The following DOCK1 variants were observed in gnomAD, a reference collection of about 807,000 sequenced individuals.
DOCK1 encodes dedicator of cytokinesis 1, also known as dedicator of cytokinesis protein 1.
In DOCK1, 138 loss-of-function variants were observed where a neutral mutation model predicts 262.7. That is an observed-to-expected ratio of 0.53 (90% CI 0.46 to 0.61). DOCK1 has a LOEUF of 0.61. Ranked by LOEUF, DOCK1 falls within the 20% of genes least tolerant of loss-of-function variation. DOCK1 has a pLI of 0.00. For synonymous variants in DOCK1, 866 were observed against 867.4 expected (o/e 1.00, Z 0.03); for missense variants, 1,908 against 2,370.7 (o/e 0.80, Z 4.05).
chr10:126,969,978 G>A (rs910084260), intron 1 of DOCK1, among the ~76,000 whole-genome samples: 9 of 152,102 alleles, frequency 5.9e-5, no homozygotes, highest in Non-Finnish European at 1.3e-4. Context: ...CTGTTGGGTA[G>A]GAGGAACATT....
intron 23 of DOCK1, among the ~76,000 whole-genome samples, chr10:127,077,889 C>T (rs1694245664): frequency 6.6e-6 from 1 of 151,714 alleles, no homozygotes; most frequent in Admixed American, 6.6e-5. Context: ...GATGGGGGAG[C>T]ATTCCATGGA....
At chr10:127,025,980 C>T (rs528980875) in intron 15 of DOCK1, 4 of 225,558 alleles carry the variant, frequency 1.8e-5, no homozygotes, top group Admixed American at 1.2e-4. Flanking sequence ...CGCTTGAACG[C>T]AGGAGGCGGA....
chr10:127,116,656 C>A (rs551435620), intron 25 of DOCK1, among the ~76,000 whole-genome samples: 15 of 152,110 alleles, frequency 9.9e-5, no homozygotes, highest in South Asian at 4.2e-4. Flanking sequence ...ATTAAAAAAA[C>A]CAAAATAAAA....
chr10:127,049,451 G>A (rs1591809256), intron 21 of DOCK1, among the ~76,000 whole-genome samples: 1 of 152,026 alleles, frequency 6.6e-6, no homozygotes, highest in Non-Finnish European at 1.5e-5. Flanking sequence ...AACTTGGGAG[G>A]GAGAGGTTGC....
intron 1 of DOCK1, among the ~76,000 whole-genome samples, chr10:126,931,993 A>G (rs1447428091): frequency 6.6e-6 from 1 of 152,202 alleles, no homozygotes; most frequent in African/African-American, 2.4e-5. Context: ...GCAAGATGGA[A>G]TAAAAGTGGG....
chr10:127,266,526 A>T (rs2060364177), intron 29 of DOCK1, among the ~76,000 whole-genome samples: 1 of 149,640 alleles, frequency 6.7e-6, no homozygotes, highest in Non-Finnish European at 1.5e-5. Context: ...GACTGTACTG[A>T]CTATACATTT....
chr10:127,387,395 C>T (rs571379946), intron 38 of DOCK1, among the ~76,000 whole-genome samples: 30 of 152,294 alleles, frequency 2.0e-4, no homozygotes, highest in African/African-American at 7.2e-4. Flanking sequence ...CTTTCTCAAT[C>T]TGGGCATGAT....
chr10:127,150,105 T>G (rs1029178351), intron 27 of DOCK1, among the ~76,000 whole-genome samples: 4 of 152,204 alleles, frequency 2.6e-5, no homozygotes, highest in African/African-American at 9.6e-5. Flanking sequence ...CTTTGAAATT[T>G]GGAGACACCC....
intron 23 of DOCK1, among the ~76,000 whole-genome samples, chr10:127,088,388 C>T (rs1364393548): frequency 6.6e-6 from 1 of 152,000 alleles, no homozygotes; most frequent in Admixed American, 6.6e-5. Context: ...TTAGATATAC[C>T]CTTAGAAATT....
At chr10:126,969,077 A>G (rs1160140583) in intron 1 of DOCK1, among the ~76,000 whole-genome samples, 4 of 152,130 alleles carry the variant, frequency 2.6e-5, no homozygotes, top group Admixed American at 6.5e-5. Context: ...AAAAAATACA[A>G]CCAAAAGGAA....
intron 12 of DOCK1, chr10:127,016,186 C>T (rs1165877652): frequency 6.6e-6 from 1 of 152,200 alleles, no homozygotes; most frequent in Non-Finnish European, 1.5e-5. Context: ...CCTATGTCTC[C>T]AGTAGGTGCA....
intron 8 of DOCK1, chr10:126,998,772 G>GTATAACTTTT (rs2040388799): frequency 6.3e-6 from 1 of 157,700 alleles, no homozygotes. Context: ...TTCCTGCTTA[G>GTATAACTTTT]CCTTCAGTAT....
chr10:127,340,845 C>A (rs2063395318), intron 30 of DOCK1, among the ~76,000 whole-genome samples: 2 of 152,108 alleles, frequency 1.3e-5, no homozygotes, highest in Admixed American at 1.3e-4. Context: ...ATTCTCTGAT[C>A]ATTTCTTCTC....
At chr10:127,342,885 T>A (rs1350268124) in intron 30 of DOCK1, among the ~76,000 whole-genome samples, 1 of 152,110 alleles carries the variant, frequency 6.6e-6, no homozygotes, top group African/African-American at 2.4e-5. Flanking sequence ...GATTTGGGGG[T>A]AAAGAGTCCT....
chr10:127,130,844 C>T (rs573131565), intron 27 of DOCK1, among the ~76,000 whole-genome samples: 1 of 152,302 alleles, frequency 6.6e-6, no homozygotes, highest in Non-Finnish European at 1.5e-5. Context: ...TTCTATAAGA[C>T]ACAGGCACAC....
chr10:127,356,265 A>G (rs1440731848), intron 32 of DOCK1, among the ~76,000 whole-genome samples: 1 of 152,150 alleles, frequency 6.6e-6, no homozygotes, highest in Non-Finnish European at 1.5e-5. Flanking sequence ...AAGAGAGATG[A>G]TAAGTCCCAC....
intron 22 of DOCK1, among the ~76,000 whole-genome samples, chr10:127,055,249 C>G (rs571155872): frequency 1.4e-4 from 21 of 152,208 alleles, no homozygotes; most frequent in African/African-American, 5.1e-4. Context: ...TCCTGATGTC[C>G]TTGGCTCCTT....
At chr10:126,933,979 T>C (rs2034369017) in intron 1 of DOCK1, among the ~76,000 whole-genome samples, 1 of 152,114 alleles carries the variant, frequency 6.6e-6, no homozygotes, top group East Asian at 1.9e-4. Flanking sequence ...CATGCCCAGC[T>C]AATTTTTGTA....
chr10:127,248,931 G>A (rs533966405), intron 28 of DOCK1, among the ~76,000 whole-genome samples: 7 of 152,228 alleles, frequency 4.6e-5, no homozygotes, highest in Admixed American at 2.0e-4. Context: ...CTGTGCATGC[G>A]AAGGATCTAG....
Sources: allele counts gnomAD v4.1 joint callset (sites outside exome capture counted in the v4.1 genomes callset), GRCh38; gene constraint gnomAD v4.1.1; transcripts MANE v1.5; gene names NCBI Gene and HGNC (gene_info 2026-07-23, HGNC 2026-07-21).